VAT1L: variants seen among roughly 807,000 people sequenced by gnomAD.
VAT1L encodes the protein vesicle amine transport 1 like.
Under a neutral mutation model 44.1 loss-of-function variants are expected in VAT1L, and 34 were observed. That is an observed-to-expected ratio of 0.77 (90% CI 0.59 to 1.03). The LOEUF is 1.03. Ranked by LOEUF, VAT1L falls within the 50% of genes least tolerant of loss-of-function variation. The pLI, the probability that VAT1L is intolerant of heterozygous loss-of-function variation, is 0.00. For synonymous variants in VAT1L, 253 were observed against 202.2 expected, an observed-to-expected ratio of 1.25 and a Z score of -2.13; for missense variants, 615 against 538.8, an observed-to-expected ratio of 1.14 and a Z score of -1.40.
intron 7 of VAT1L, among the ~76,000 whole-genome samples, chr16:77,901,433 G>A (rs973253449): frequency 6.6e-6 from 1 of 151,960 alleles, no homozygotes; most frequent in Non-Finnish European, 1.5e-5. Flanking sequence ...CAAAGTGCTG[G>A]GATTACAGGC....
chr16:77,940,930 C>G (rs1425855422), intron 7 of VAT1L, among the ~76,000 whole-genome samples: 1 of 152,138 alleles, frequency 6.6e-6, no homozygotes, highest in Non-Finnish European at 1.5e-5. Flanking sequence ...TTTAACACCT[C>G]TTGAACACAT....
chr16:77,857,567 G>T (rs1049003982), intron 3 of VAT1L, among the ~76,000 whole-genome samples: 4 of 151,670 alleles, frequency 2.6e-5, no homozygotes, highest in East Asian at 1.9e-4. Context: ...TTATATAAAA[G>T]TATAGATTAT....
Position 77,894,479 on chromosome 16 carries a change from G to A in VAT1L, c.1077+9677G>A, listed in dbSNP as rs375560845. Among the ~76,000 whole-genome samples, 121 of 152,256 alleles carry A rather than the reference G, an allele frequency of 7.9e-4. 1 individual carries two copies. The highest frequency in any genetic ancestry group is 1.6e-3 in the Admixed American group (24 of 15,286). ...CTGGCACTGAACAGGACAAACGCCC[G>A]GAACCCAGCCAGGAGGAACAGAGGT... is the stretch of plus-strand genomic sequence containing the variant. On this transcript the variant is annotated intron_variant, in intron 7 of 8. Coordinates refer to ENST00000302536, the MANE Select transcript of VAT1L (RefSeq NM_020927.3).
Position 77,797,911 on chromosome 16 carries a change from G to T in VAT1L, c.233+8996G>T, listed in dbSNP as rs78514360. ...TGTGATCTCATACAGAAAATTGGTT[G>T]GAGCCATGGTATGAAAATGAGTGAA... On this transcript the variant is annotated intron_variant, in intron 1 of 8. Transcript: ENST00000302536. Among the ~76,000 whole-genome samples, 18 of 152,292 alleles carry T rather than the reference G, an allele frequency of 1.2e-4. No homozygotes were observed. The East Asian group carries it at 3.5e-3, about 29-fold the overall frequency.
At chr16:77,926,070 G>C (rs2447780) in intron 7 of VAT1L, among the ~76,000 whole-genome samples, 30,649 of 150,836 alleles carry the variant, frequency 0.2, 3,272 homozygotes, top group Admixed American at 0.27. Flanking sequence ...AGACCATCCT[G>C]GCTAACACTG....
chr16:77,882,449 T>C (rs2017164603), intron 6 of VAT1L: 1 of 152,234 alleles, frequency 6.6e-6, no homozygotes, highest in South Asian at 2.1e-4. Flanking sequence ...CAAATTAAGA[T>C]AATAAAAGTG....
intron 4 of VAT1L, among the ~76,000 whole-genome samples, chr16:77,868,484 T>C (rs1409472105): frequency 2.0e-5 from 3 of 152,112 alleles, no homozygotes; most frequent in Non-Finnish European, 2.9e-5. Context: ...ACATGGGAGC[T>C]CTCTTTTGGG....
intron 1 of VAT1L, among the ~76,000 whole-genome samples, chr16:77,809,587 A>G (rs2016228627): frequency 6.6e-6 from 1 of 152,168 alleles, no homozygotes; most frequent in African/African-American, 2.4e-5. Flanking sequence ...GTGCACTTTC[A>G]GAAAAAATAA....
intron 1 of VAT1L, among the ~76,000 whole-genome samples, chr16:77,806,142 C>T (rs967510123): frequency 6.6e-6 from 1 of 151,782 alleles, no homozygotes; most frequent in African/African-American, 2.4e-5. Context: ...GGATTACAGG[C>T]CTGAGCCACA....
At chr16:77,790,198 G>C (rs1208655164) in intron 1 of VAT1L, among the ~76,000 whole-genome samples, 1 of 152,180 alleles carries the variant, frequency 6.6e-6, no homozygotes, top group African/African-American at 2.4e-5. Flanking sequence ...AGCAGCCGCT[G>C]ATCCCTGCCT....
intron 1 of VAT1L, among the ~76,000 whole-genome samples, chr16:77,794,268 A>G (rs924516810): frequency 1.3e-5 from 2 of 152,178 alleles, no homozygotes; most frequent in Non-Finnish European, 2.9e-5. Flanking sequence ...AAGATTCAAA[A>G]TTGCACAGTA....
chr16:77,828,592 G>A (rs750305909), intron 3 of VAT1L, among the ~76,000 whole-genome samples: 2 of 152,166 alleles, frequency 1.3e-5, no homozygotes, highest in South Asian at 2.1e-4. Context: ...GAAGCCGGGA[G>A]GCAGAGGTTG....
intron 3 of VAT1L, among the ~76,000 whole-genome samples, chr16:77,840,994 G>T (rs139280464): frequency 6.6e-6 from 1 of 152,232 alleles, no homozygotes; most frequent in Non-Finnish European, 1.5e-5. Flanking sequence ...AAGGGTTATG[G>T]TAACTTTAGC....
intron 6 of VAT1L, among the ~76,000 whole-genome samples, chr16:77,881,203 T>C (rs2017151050): frequency 6.6e-6 from 1 of 152,234 alleles, no homozygotes. Flanking sequence ...GGTTTATTTT[T>C]GCCCCCTCTA....
chr16:77,861,877 A>T (rs745887892), intron 3 of VAT1L, among the ~76,000 whole-genome samples: 8 of 152,240 alleles, frequency 5.3e-5, no homozygotes, highest in Middle Eastern at 3.2e-3. Context: ...AGAGGGATTG[A>T]GCTCCAGTTA....
chr16:77,929,979 A>G (rs1414792549), intron 7 of VAT1L, among the ~76,000 whole-genome samples: 1 of 152,146 alleles, frequency 6.6e-6, no homozygotes, highest in Non-Finnish European at 1.5e-5. Context: ...TCAACATGAT[A>G]TATTTTTCTT....
At chr16:77,965,110 A>T (rs2018209151) in intron 7 of VAT1L, among the ~76,000 whole-genome samples, 1 of 151,768 alleles carries the variant, frequency 6.6e-6, no homozygotes, top group Admixed American at 6.6e-5. Flanking sequence ...TTTTTTTATG[A>T]TTATGATAAG....
chr16:77,962,344 TGGG>T (rs1035604263), intron 7 of VAT1L, among the ~76,000 whole-genome samples: 2 of 151,968 alleles, frequency 1.3e-5, no homozygotes, highest in Admixed American at 6.6e-5. Context: ...GTGTATGTGT[TGGG>T]GGAGACTTTG....
intron 7 of VAT1L, among the ~76,000 whole-genome samples, chr16:77,916,935 C>A (rs1278449246): frequency 6.6e-6 from 1 of 152,004 alleles, no homozygotes; most frequent in Non-Finnish European, 1.5e-5. Context: ...TTCACAGCAA[C>A]AGCCATGCCA....
Sources: allele counts gnomAD v4.1 joint callset (sites outside exome capture counted in the v4.1 genomes callset), GRCh38; gene constraint gnomAD v4.1.1; transcripts MANE v1.5; gene names NCBI Gene and HGNC (gene_info 2026-07-23, HGNC 2026-07-21).